WDR49: variants seen among roughly 807,000 people sequenced by gnomAD.
WDR49 encodes the protein cilia- and flagella-associated protein 337.
Under a neutral mutation model 119.5 loss-of-function variants are expected in WDR49, and 107 were observed. The observed-to-expected ratio is 0.90, with a 90% confidence interval of 0.77 to 1.05. The LOEUF (loss-of-function observed/expected upper bound fraction) is 1.05. Ranked by LOEUF, WDR49 falls within the 50% of genes least tolerant of loss-of-function variation. The pLI, the probability that WDR49 is intolerant of heterozygous loss-of-function variation, is 0.00. For synonymous variants in WDR49, 425 were observed against 418.8 expected (o/e 1.01, Z -0.18); for missense variants, 1,240 against 1,220.5 (o/e 1.02, Z -0.24).
Position 167,522,304 on chromosome 3 carries a change from A to C in WDR49, c.2774+11T>G. ...TCAGTTGACATCTGGCTAATGTTCA[A>C]AATTACTTACTTGTATGTTGAGTCA... On this transcript the variant is annotated intron_variant, in intron 16 of 18. Transcript: ENST00000682715. 6.4e-7 allele frequency: 1 copy of C among 1,568,246 alleles called. No homozygotes were observed. Among genetic ancestry groups the C allele is most frequent in the Non-Finnish European group, 8.6e-7 (1 of 1,166,924 alleles).
intron 10 of WDR49, among the ~76,000 whole-genome samples, chr3:167,551,032 C>T (rs2108262907): frequency 6.6e-6 from 1 of 151,832 alleles, no homozygotes; most frequent in East Asian, 1.9e-4. Flanking sequence ...GTATATTTTG[C>T]TTAAAATAAT....
At position 167,522,396 on chromosome 3, in the gene WDR49, A is replaced by G; in HGVS notation, c.2693T>C (p.Leu898Ser). The change falls in exon 16 of 19, where the codon TTA becomes TCA. Residue 898 changes from leucine (L) to serine (S), a missense_variant. Physicochemically the swap from Leu to Ser is moderately radical, Grantham distance 145 (BLOSUM62 -2). Coordinates refer to ENST00000682715, the MANE Select transcript of WDR49 (RefSeq NM_001366157.1). ...TAAACAAGATTCCTCCTTAGAAAAT[A>G]AAGAAATTTCCTTTTGAATCTCACT... ...VESEIQKEIS[L>S]FSKEESCLDP... is the part of the protein sequence containing the mutation. The G allele has an allele frequency of 4.3e-6, 7 of 1,611,266 alleles. No homozygotes were observed. Among genetic ancestry groups the G allele is most frequent in the Non-Finnish European group, 5.9e-6 (7 of 1,179,208 alleles).
intron 7 of WDR49, among the ~76,000 whole-genome samples, chr3:167,595,957 C>T (rs1222840334): frequency 3.1e-4 from 43 of 138,500 alleles, no homozygotes; most frequent in East Asian, 2.0e-3. Context: ...AGAAAATTTT[C>T]GCAACCTACT....
At chr3:167,649,272 A>C (rs935944313) in intron 2 of WDR49, among the ~76,000 whole-genome samples, 2 of 152,068 alleles carry the variant, frequency 1.3e-5, no homozygotes, top group African/African-American at 2.4e-5. Context: ...GTCCTCCATA[A>C]ATTTGGAGGA....
intron 7 of WDR49, among the ~76,000 whole-genome samples, chr3:167,588,080 C>T (rs1714910374): frequency 6.6e-6 from 1 of 151,934 alleles, no homozygotes; most frequent in African/African-American, 2.4e-5. Flanking sequence ...TTAACCATAC[C>T]CACTTCCTCT....
upstream of WDR49, among the ~76,000 whole-genome samples, chr3:167,656,470 A>C (rs62278326): frequency 1.1e-3 from 173 of 152,334 alleles, no homozygotes; most frequent in Non-Finnish European, 1.9e-3. Flanking sequence ...ATGAACCACG[A>C]GAGGTAGGTA....
chr3:167,552,639 G>A (rs1036982975), intron 10 of WDR49, among the ~76,000 whole-genome samples: 1 of 152,004 alleles, frequency 6.6e-6, no homozygotes, highest in Non-Finnish European at 1.5e-5. Context: ...GACACGTACA[G>A]CAAGCAAATG....
chr3:167,482,002 A>T (rs114548654), intron 18 of WDR49, among the ~76,000 whole-genome samples: 3,280 of 152,308 alleles, frequency 0.022, 106 homozygotes, highest in African/African-American at 0.074. Flanking sequence ...GTCCTCAAAT[A>T]AAAGTCAACC....
At chr3:167,639,031 T>A (rs1717752859) in intron 2 of WDR49, among the ~76,000 whole-genome samples, 1 of 151,702 alleles carries the variant, frequency 6.6e-6, no homozygotes, top group African/African-American at 2.4e-5. Context: ...TTTCTCTAAG[T>A]CTGTGAAATT....
Position 167,607,703 on chromosome 3 carries a change from C to T in WDR49, c.959-3235G>A, listed in dbSNP as rs577457116. The stretch of plus-strand genomic sequence containing the variant: ...TACAATGTGTATCACAGGTCCAGAT[C>T]TGGGGTTCTTCCTATTACCAACTAC... On this transcript the variant is annotated intron_variant, in intron 5 of 18. Coordinates refer to ENST00000682715, the MANE Select transcript of WDR49 (RefSeq NM_001366157.1). Among the ~76,000 whole-genome samples, 5 of 152,246 alleles carry T rather than the reference C, an allele frequency of 3.3e-5. No homozygotes were observed. In the East Asian group the frequency reaches 9.7e-4, roughly 29 times the overall value.
At chr3:167,526,258 C>A (rs1472809638) in intron 15 of WDR49, among the ~76,000 whole-genome samples, 1 of 152,116 alleles carries the variant, frequency 6.6e-6, no homozygotes, top group Non-Finnish European at 1.5e-5. Context: ...TTTACAAGCA[C>A]ACATTTCTGA....
intron 10 of WDR49, among the ~76,000 whole-genome samples, chr3:167,544,894 G>T (rs577494056): frequency 2.0e-5 from 3 of 152,038 alleles, no homozygotes; most frequent in African/African-American, 7.2e-5. Context: ...ATTATCAGCA[G>T]AGTAAACAGA....
At chr3:167,528,605 G>C (rs6791252) in intron 14 of WDR49, among the ~76,000 whole-genome samples, 2,432 of 151,750 alleles carry the variant, frequency 0.016, 35 homozygotes, top group Non-Finnish European at 0.02. Flanking sequence ...TGTAGTCCTA[G>C]CTACTCAGGA....
intron 5 of WDR49, among the ~76,000 whole-genome samples, chr3:167,617,658 A>G (rs181606192): frequency 6.6e-6 from 1 of 152,174 alleles, no homozygotes; most frequent in African/African-American, 2.4e-5. Context: ...GGAAGAGTCT[A>G]TGCATTGGGC....
chr3:167,584,498 GAA>G (rs1714708078), intron 7 of WDR49, among the ~76,000 whole-genome samples: 1 of 151,852 alleles, frequency 6.6e-6, no homozygotes, highest in Non-Finnish European at 1.5e-5. Context: ...AATGGAAAAA[GAA>G]AAACAATAAG....
chr3:167,591,691 A>G (rs1266011290), intron 7 of WDR49, among the ~76,000 whole-genome samples: 1 of 151,986 alleles, frequency 6.6e-6, no homozygotes, highest in Non-Finnish European at 1.5e-5. Context: ...CCTGAAATCT[A>G]TTTTGTCTGA....
intron 2 of WDR49, among the ~76,000 whole-genome samples, chr3:167,636,003 GTA>G (rs944409038): frequency 6.6e-6 from 1 of 151,560 alleles, no homozygotes; most frequent in African/African-American, 2.4e-5. Context: ...GAAAGAGGTG[GTA>G]TTTGGTTACA....
Position 167,626,838 on chromosome 3 carries a change from TAA to T in WDR49, c.606+12_606+13del. ...CTTTTACAAGCAGTACATTTTTTTA[TAA>T]AGAGTCTGTACCTTGTTTACATTTT... On this transcript the variant is annotated intron_variant, in intron 3 of 18. Transcript: ENST00000682715. 1 of 1,234,848 alleles carries T rather than the reference TAA, an allele frequency of 8.1e-7. No individual in the cohort carries two copies. Among genetic ancestry groups the T allele is most frequent in the East Asian group, 3.1e-5 (1 of 31,766 alleles). 76.5% of individuals were successfully genotyped at this position (1,234,848 alleles called of 1,614,324 possible).
upstream of WDR49, among the ~76,000 whole-genome samples, chr3:167,656,468 C>T (rs1041276465): frequency 2.0e-5 from 3 of 152,132 alleles, no homozygotes; most frequent in Non-Finnish European, 2.9e-5. Context: ...AGATGAACCA[C>T]GAGAGGTAGG....
Sources: allele counts gnomAD v4.1 joint callset (sites outside exome capture counted in the v4.1 genomes callset), GRCh38; gene constraint gnomAD v4.1.1; transcripts MANE v1.5; gene names NCBI Gene and HGNC (gene_info 2026-07-23, HGNC 2026-07-21).